The following DGKB variants were observed in gnomAD, a reference collection of about 807,000 sequenced individuals.
The protein encoded by DGKB is 90 kDa diacylglycerol kinase.
Under a neutral mutation model 114.3 loss-of-function variants are expected in DGKB, and 67 were observed. The ratio of observed to expected loss-of-function variants is 0.59; its 90% CI spans 0.48 to 0.72. The LOEUF (loss-of-function observed/expected upper bound fraction) is 0.72, where lower values mean the gene tolerates loss of function less well. DGKB is among the 30% of genes least tolerant of loss of function. The pLI is 0.00. For synonymous variants in DGKB, 398 were observed against 323.1 expected, an observed-to-expected ratio of 1.23 and a Z score of -2.49; for missense variants, 907 against 975.2, an observed-to-expected ratio of 0.93 and a Z score of 0.93.
chr7:14,320,942 T>C (rs1333065392), intron 23 of DGKB, among the ~76,000 whole-genome samples: 5 of 152,186 alleles, frequency 3.3e-5, no homozygotes, highest in Admixed American at 2.6e-4. Flanking sequence ...TATAACAAGA[T>C]AATACAACAT....
chr7:14,943,166 G>A (rs950208442), intron 1 of DGKB, among the ~76,000 whole-genome samples: 2 of 151,586 alleles, frequency 1.3e-5, no homozygotes, highest in African/African-American at 4.8e-5. Flanking sequence ...CTTCACTTGA[G>A]ATATATTTAA....
At chr7:14,520,617 CT>C (rs965030232) in intron 20 of DGKB, among the ~76,000 whole-genome samples, 70 of 151,638 alleles carry the variant, frequency 4.6e-4, no homozygotes, top group African/African-American at 1.6e-3. Flanking sequence ...AATTTTTACT[CT>C]TTGTTGTTTT....
chr7:14,855,043 G>A (rs1438167914), intron 1 of DGKB, among the ~76,000 whole-genome samples: 1 of 152,094 alleles, frequency 6.6e-6, no homozygotes, highest in Middle Eastern at 3.4e-3. Flanking sequence ...TATTATAAAG[G>A]CTCTAATGTA....
intron 21 of DGKB, among the ~76,000 whole-genome samples, chr7:14,476,785 C>T (rs1395559203): frequency 1.4e-5 from 2 of 143,914 alleles, no homozygotes; most frequent in African/African-American, 2.6e-5. Context: ...GACGGAATCT[C>T]ACTCTGTTGC....
chr7:14,331,106 A>G (rs1336833098), intron 23 of DGKB, among the ~76,000 whole-genome samples: 1 of 152,056 alleles, frequency 6.6e-6, no homozygotes, highest in Admixed American at 6.6e-5. Context: ...TATTTGCATT[A>G]CCATTGCTAA....
intron 23 of DGKB, among the ~76,000 whole-genome samples, chr7:14,300,785 C>G (rs1803410468): frequency 1.3e-5 from 2 of 152,008 alleles, no homozygotes. Flanking sequence ...TTTCCATTTC[C>G]TGGTTTTGAA....
intron 1 of DGKB, among the ~76,000 whole-genome samples, chr7:14,959,792 G>A (rs1786735639): frequency 6.7e-6 from 1 of 148,550 alleles, no homozygotes; most frequent in Non-Finnish European, 1.5e-5. Context: ...GTTTTCTATA[G>A]TATTTATCCT....
chr7:14,192,375 A>G (rs1052929061), intron 23 of DGKB, among the ~76,000 whole-genome samples: 1 of 152,222 alleles, frequency 6.6e-6, no homozygotes, highest in Non-Finnish European at 1.5e-5. Flanking sequence ...CTACAAAAAA[A>G]CTAGATACCT....
intron 20 of DGKB, among the ~76,000 whole-genome samples, chr7:14,517,942 C>T (rs1359493358): frequency 6.6e-6 from 1 of 152,094 alleles, no homozygotes; most frequent in Admixed American, 6.6e-5. Flanking sequence ...ATCACTTGAC[C>T]CAGCAATCCC....
chr7:14,460,397 G>C (rs763780095), intron 21 of DGKB, among the ~76,000 whole-genome samples: 4 of 151,614 alleles, frequency 2.6e-5, no homozygotes, highest in Non-Finnish European at 5.9e-5. Flanking sequence ...TAAAGGGATG[G>C]AGGAAGATTT....
chr7:14,698,931 G>A (rs553238229), intron 7 of DGKB, among the ~76,000 whole-genome samples: 93 of 152,116 alleles, frequency 6.1e-4, no homozygotes, highest in Admixed American at 1.2e-3. Context: ...GTGTTTTACC[G>A]TATGATTTAA....
At chr7:14,910,294 G>T (rs1031468996) in intron 1 of DGKB, among the ~76,000 whole-genome samples, 2 of 126,680 alleles carry the variant, frequency 1.6e-5, no homozygotes, top group Non-Finnish European at 3.5e-5. Flanking sequence ...AAGAAAGAAA[G>T]AAAGAAAGAA....
At chr7:14,304,087 A>ACACACACACT (rs140836395) in intron 23 of DGKB, among the ~76,000 whole-genome samples, 13 of 110,122 alleles carry the variant, frequency 1.2e-4, no homozygotes, top group African/African-American at 2.2e-4. Context: ...ACACACACAC[A>ACACACACACT]CTCTCTCTCT....
chr7:14,956,416 A>C (rs1225027184), intron 1 of DGKB, among the ~76,000 whole-genome samples: 1 of 151,940 alleles, frequency 6.6e-6, no homozygotes, highest in African/African-American at 2.4e-5. Flanking sequence ...CAATTTAATA[A>C]ATTAAAGTTT....
At chr7:14,212,885 T>C (rs1788356019) in intron 23 of DGKB, among the ~76,000 whole-genome samples, 1 of 152,112 alleles carries the variant, frequency 6.6e-6, no homozygotes, top group South Asian at 2.1e-4. Context: ...AATTAGTAAG[T>C]ATTGCCAATT....
At chr7:14,674,685 G>T (rs575147923) in intron 12 of DGKB, among the ~76,000 whole-genome samples, 1 of 152,008 alleles carries the variant, frequency 6.6e-6, no homozygotes, top group Non-Finnish European at 1.5e-5. Context: ...TAAGAAGAGG[G>T]GAATCTGGAC....
intron 13 of DGKB, among the ~76,000 whole-genome samples, chr7:14,632,036 G>C (rs1294073992): frequency 6.6e-6 from 1 of 151,930 alleles, no homozygotes; most frequent in African/African-American, 2.4e-5. Flanking sequence ...GCATACATTT[G>C]CAGAGAGCAG....
At chr7:14,971,934 T>C (rs1054003435) in intron 1 of DGKB, among the ~76,000 whole-genome samples, 1 of 152,040 alleles carries the variant, frequency 6.6e-6, no homozygotes, top group African/African-American at 2.4e-5. Context: ...TTAGTAGAGA[T>C]GGGGTTTCAC....
At chr7:14,771,539 A>AT (rs957020677) in intron 2 of DGKB, among the ~76,000 whole-genome samples, 56 of 151,920 alleles carry the variant, frequency 3.7e-4, no homozygotes, top group African/African-American at 1.2e-3. Context: ...CAAAGCTCTG[A>AT]TTTTTTTTCT....
Sources: gnomAD v4.1 joint callset for allele counts (sites outside exome capture counted in the v4.1 genomes callset) on GRCh38, gnomAD v4.1.1 for gene constraint, MANE v1.5 for transcripts, NCBI Gene and HGNC (gene_info 2026-07-23, HGNC 2026-07-21) for gene names.